Variants in NPTN observed in about 807,000 individuals in gnomAD.
NPTN encodes the protein neuroplastin, also known as SDR-1.
In NPTN, 5 loss-of-function variants were observed where a neutral mutation model predicts 42.7. That is an observed-to-expected ratio of 0.12 (90% CI 0.06 to 0.25). The LOEUF (loss-of-function observed/expected upper bound fraction) is 0.25. NPTN is among the 10% of genes least tolerant of loss of function. The pLI, the probability that NPTN is intolerant of heterozygous loss-of-function variation, is 1.00. For synonymous variants in NPTN, 180 were observed against 201.9 expected (o/e 0.89, Z 0.92); for missense variants, 307 against 525.4 (o/e 0.58, Z 4.06).
Position 73,580,412 on chromosome 15 carries a change from TATATATATAATATATATATAATATATATA to T in NPTN, c.707-6646_707-6618del, listed in dbSNP as rs1178547090. 4.1e-3 allele frequency among the ~76,000 whole-genome samples: 405 copies of T among 98,904 alleles called. 6 individuals carry two copies. Among genetic ancestry groups the T allele is most frequent in the African/African-American group, 0.017 (384 of 22,674 alleles). 64.9% of individuals were successfully genotyped at this position (98,904 alleles called of 152,430 possible). A position where few individuals can be genotyped will look rare whatever the true frequency, so the allele number is the denominator to read the frequency against. On this transcript the variant is annotated intron_variant, in intron 4 of 8. Transcript: ENST00000345330. The stretch of plus-strand genomic sequence containing the variant: ...TAAAATATATATATTATATATATAA[TATATATATAATATATATATAATATATATA>T]ATATATATGTATATATACAAAATAT...
chr15:73,623,897 G>A (rs1490121301), intron 1 of NPTN, among the ~76,000 whole-genome samples: 4 of 152,002 alleles, frequency 2.6e-5, no homozygotes, highest in East Asian at 1.9e-4. Flanking sequence ...CTATTCTTCC[G>A]CTAGTTTCAT....
intron 1 of NPTN, chr15:73,599,677 G>GTTGGTTTTA (rs1289194461): frequency 1.3e-5 from 2 of 152,004 alleles, no homozygotes; most frequent in Non-Finnish European, 1.5e-5. Context: ...AGTAAAGGAA[G>GTTGGTTTTA]TTGGTTTTAT....
At chr15:73,573,449 G>A (rs893191592) in intron 5 of NPTN, among the ~76,000 whole-genome samples, 1 of 152,182 alleles carries the variant, frequency 6.6e-6, no homozygotes, top group East Asian at 1.9e-4. Flanking sequence ...TCTTACCAGA[G>A]GGACAGCTTT....
At chr15:73,564,702 A>G (rs779806791) in intron 6 of NPTN, among the ~76,000 whole-genome samples, 10 of 152,156 alleles carry the variant, frequency 6.6e-5, no homozygotes, top group Non-Finnish European at 1.5e-4. Flanking sequence ...AGCCCAGCCT[A>G]AATTCTCCCC....
chr15:73,613,238 G>C (rs1897680310), intron 1 of NPTN, among the ~76,000 whole-genome samples: 1 of 152,128 alleles, frequency 6.6e-6, no homozygotes, highest in Non-Finnish European at 1.5e-5. Context: ...TTAAATATCT[G>C]AGTCTCAGAT....
chr15:73,617,307 G>T (rs1897911015), intron 1 of NPTN, among the ~76,000 whole-genome samples: 1 of 152,170 alleles, frequency 6.6e-6, no homozygotes, highest in South Asian at 2.1e-4. Flanking sequence ...AGTATTATTT[G>T]AAGTTATCAT....
At position 73,563,460 on chromosome 15, in the gene NPTN, G is replaced by A. The variant is rs1380558868; in HGVS notation, c.1115-203C>T. ...TTCTAGATTCAAGTTTAAATGGCAGGTATGTTGTTTCAATGGTTTTAGTTA... is the reference window on the plus strand; with the variant it reads ...TTCTAGATTCAAGTTTAAATGGCAGATATGTTGTTTCAATGGTTTTAGTTA... On this transcript the variant is annotated intron_variant, in intron 6 of 8. Coordinates refer to ENST00000345330, the MANE Select transcript of NPTN (RefSeq NM_012428.4). 4 of 1,389,078 alleles carry A rather than the reference G, an allele frequency of 2.9e-6. No individual in the cohort carries two copies. In the African/African-American group the frequency reaches 4.4e-5, roughly 15 times the overall value. 86.0% of individuals were successfully genotyped at this position (1,389,078 alleles called of 1,614,324 possible). A position where few individuals can be genotyped will look rare whatever the true frequency, so the allele number is the denominator to read the frequency against.
rs187998155 is a variant in NPTN at position 73,625,133 on chromosome 15, C to T, written c.91+7992G>A. Among the ~76,000 whole-genome samples, 19 of 152,272 alleles carry T rather than the reference C, an allele frequency of 1.2e-4. No individual in the cohort carries two copies. The East Asian group carries it at 3.7e-3, about 29-fold the overall frequency. ...AACAAAAGCCCCAAACTACTCCATA[C>T]CTGAAAATGCTGTTTTTCAAACTGA... On this transcript the variant is annotated intron_variant, in intron 1 of 8. Transcript: ENST00000345330.
intron 4 of NPTN, among the ~76,000 whole-genome samples, chr15:73,576,206 C>T (rs1458213371): frequency 6.6e-6 from 1 of 152,216 alleles, no homozygotes; most frequent in Non-Finnish European, 1.5e-5. Context: ...CTGCTGAGCA[C>T]CCACTACACA....
intron 2 of NPTN, 107 bp from the exon 3 acceptor site, chr15:73,592,244 G>C: frequency 2.3e-5 from 20 of 880,442 alleles, no homozygotes; most frequent in Non-Finnish European, 3.1e-5. Flanking sequence ...AAGAGGGAGG[G>C]CAGACAGGAC....
chr15:73,633,066 C>A (rs1898849444), intron 1 of NPTN, 59 bp downstream of exon 1: 2 of 1,221,744 alleles, frequency 1.6e-6, no homozygotes, highest in Admixed American at 4.1e-5. Flanking sequence ...AGAGCCGGGC[C>A]CCCTCCGGCC....
intron 1 of NPTN, among the ~76,000 whole-genome samples, chr15:73,616,832 A>G (rs912775375): frequency 3.9e-5 from 6 of 152,208 alleles, no homozygotes; most frequent in African/African-American, 9.6e-5. Flanking sequence ...GCTAAAAATT[A>G]GCAGAGCTGT....
intron 6 of NPTN, chr15:73,568,517 T>C: frequency 1.0e-6 from 1 of 985,450 alleles, no homozygotes; most frequent in Non-Finnish European, 1.2e-6. Context: ...GGCAACTCTT[T>C]CCCTTTACTC....
intron 3 of NPTN, among the ~76,000 whole-genome samples, chr15:73,588,029 C>T (rs1039357496): frequency 1.3e-5 from 2 of 152,168 alleles, no homozygotes; most frequent in Non-Finnish European, 2.9e-5. Flanking sequence ...ATCACGAGGT[C>T]AGGAGTTCAA....
chr15:73,606,561 C>A, intron 1 of NPTN, among the ~76,000 whole-genome samples: 1 of 152,140 alleles, frequency 6.6e-6, no homozygotes, highest in East Asian at 1.9e-4. Flanking sequence ...GAAACCCTTA[C>A]ATATTTAAGC....
intron 6 of NPTN, chr15:73,567,061 A>T (rs1895065306): frequency 2.1e-6 from 2 of 961,782 alleles, no homozygotes; most frequent in African/African-American, 3.6e-5. Context: ...AGCATTTTCA[A>T]TGTGAGAAAT....
At chr15:73,583,618 T>C (rs1896169266) in intron 4 of NPTN, among the ~76,000 whole-genome samples, 1 of 152,192 alleles carries the variant, frequency 6.6e-6, no homozygotes, top group Non-Finnish European at 1.5e-5. Flanking sequence ...GGTGTGGTTT[T>C]TGGGCTGAAG....
intron 4 of NPTN, among the ~76,000 whole-genome samples, chr15:73,576,580 C>T (rs1474041256): frequency 1.3e-5 from 2 of 152,186 alleles, no homozygotes; most frequent in African/African-American, 4.8e-5. Context: ...CCACCCGCCT[C>T]AGCCTCCCAA....
At position 73,633,278 on chromosome 15, in the gene NPTN, G is replaced by GGGGA. The variant is rs1017699055; in HGVS notation, c.-67_-64dup. On this transcript the variant is annotated 5_prime_UTR_variant, in exon 1 of 9. Transcript: ENST00000345330. ...GCCAGAGCCGGGGCCGGGGAAGGGA[G>GGGGA]GGGAGGGAGGGAGGGGGCGGGCGAG... 10 of 1,173,450 alleles carry GGGGA rather than the reference G, an allele frequency of 8.5e-6. No homozygotes were observed. In the Admixed American group the frequency reaches 2.2e-4, roughly 25 times the overall value. The allele number at this position is 1,173,450 out of a possible 1,614,324, so 72.7% of individuals were successfully genotyped here.
Sources: gnomAD v4.1 joint callset for allele counts (sites outside exome capture counted in the v4.1 genomes callset) on GRCh38, gnomAD v4.1.1 for gene constraint, MANE v1.5 for transcripts, NCBI Gene and HGNC (gene_info 2026-07-23, HGNC 2026-07-21) for gene names.